The following ZNF395 variants were observed in gnomAD, a reference collection of about 807,000 sequenced individuals.
The protein encoded by ZNF395 is HD gene regulatory region-binding protein 2.
A neutral mutation model predicts 57.7 loss-of-function variants in ZNF395; 20 were observed. The ratio of observed to expected loss-of-function variants is 0.35; its 90% CI spans 0.24 to 0.50. ZNF395 has a LOEUF of 0.50. Among genes scored for constraint, ZNF395 ranks in the 20% least tolerant of loss-of-function variants. The pLI is 0.97. For synonymous variants in ZNF395, 295 were observed against 275.9 expected, an observed-to-expected ratio of 1.07 and a Z score of -0.69; for missense variants, 606 against 671.2, an observed-to-expected ratio of 0.90 and a Z score of 1.07.
At position 28,351,362 on chromosome 8, in the gene ZNF395, T is replaced by C. The variant is rs1801679906; in HGVS notation, c.1233+133A>G. On this transcript the variant is annotated intron_variant, in intron 7 of 9. Coordinates refer to ENST00000344423, the MANE Select transcript of ZNF395 (RefSeq NM_018660.3). ...GAGCAGTGAATTCGGTTTCCTTTTG[T>C]TTCCTTGTAGAAGAGATTAGCAATT... 3 of 979,240 alleles carry C rather than the reference T, an allele frequency of 3.1e-6. No individual in the cohort carries two copies. The African/African-American group carries it at 4.8e-5, about 16-fold the overall frequency. 60.7% of individuals were successfully genotyped at this position (979,240 alleles called of 1,614,324 possible). A position where few individuals can be genotyped will look rare whatever the true frequency, so the allele number is the denominator to read the frequency against.
chr8:28,346,430 G>T lies in ZNF395; in HGVS notation c.*2289C>A. On this transcript the variant is annotated 3_prime_UTR_variant, in exon 10 of 10. Coordinates refer to ENST00000344423, the MANE Select transcript of ZNF395 (RefSeq NM_018660.3). The stretch of plus-strand genomic sequence containing the variant: ...ACGGGATGGCAGCACGGGTGGAAGG[G>T]AGGCAAGGAGGCCGCCAGTGCCAAG... 6.6e-6 allele frequency: 1 copy of T among 152,626 alleles called. No individual in the cohort carries two copies. Among genetic ancestry groups the T allele is most frequent in the Non-Finnish European group, 1.5e-5 (1 of 68,332 alleles). 9.5% of individuals were successfully genotyped at this position (152,626 alleles called of 1,614,324 possible). A position where few individuals can be genotyped will look rare whatever the true frequency, so the allele number is the denominator to read the frequency against.
intron 1 of ZNF395, among the ~76,000 whole-genome samples, chr8:28,368,228 CA>C (rs1801935263): frequency 6.6e-6 from 1 of 152,124 alleles, no homozygotes; most frequent in African/African-American, 2.4e-5. Context: ...ACAAGCCTCA[CA>C]GAACTAGCAA....
chr8:28,346,553 AT>A lies in ZNF395; in HGVS notation c.*2165del, dbSNP rs1184715787. Reference sequence around the variant, plus strand: ...GGTTTCCACACTGCTCTCTCCCTTTATTCCTCTCTTTCCTGCCCTGTATACC... The same window carrying A: ...GGTTTCCACACTGCTCTCTCCCTTTATCCTCTCTTTCCTGCCCTGTATACC... On this transcript the variant is annotated 3_prime_UTR_variant, in exon 10 of 10. Transcript: ENST00000344423. 6.6e-6 allele frequency: 1 copy of A among 152,286 alleles called. No individual in the cohort carries two copies. Among genetic ancestry groups the A allele is most frequent in the East Asian group, 1.9e-4 (1 of 5,182 alleles). 9.4% of individuals were successfully genotyped at this position (152,286 alleles called of 1,614,324 possible).
In ZNF395 at chr8:28,356,678, T is replaced by C. The variant is rs1801784391; in HGVS notation, c.575A>G (p.Asn192Ser). 2 of 1,613,890 alleles carry C rather than the reference T, an allele frequency of 1.2e-6. No homozygotes were observed. The highest frequency in any genetic ancestry group is 8.5e-7 in the Non-Finnish European group (1 of 1,179,904). The change falls in exon 4 of 10, where the codon AAC (asparagine) becomes AGC (serine). Residue 192 changes from asparagine to serine, a missense_variant. Asn to Ser is a conservative substitution (Grantham distance 46). Around this residue, in one of 3 missense-constraint regions of ZNF395, gnomAD observed 309 missense variants for 374.7 expected, o/e 0.82. Coordinates refer to ENST00000344423, the MANE Select transcript of ZNF395 (RefSeq NM_018660.3). The surrounding 1 kb of genome is among the most constrained non-coding windows in gnomAD (Gnocchi z 4.0). ...VVQSPPGTEA[N>S]FSASRAACDP... ...GGGCCCCGCTTGCTCACCAGAGAAG[T>C]TGGCCTCGGTCCCGGGAGGACTCTG...
At chr8:28,361,236 A>G in intron 1 of ZNF395, 54 bp from the exon 2 acceptor site, 1 of 1,478,088 alleles carries the variant, frequency 6.8e-7, no homozygotes, top group Non-Finnish European at 9.2e-7. Flanking sequence ...GGAGCCAGGA[A>G]GGGTCTACTA....
intron 1 of ZNF395, chr8:28,385,067 G>A (rs1802155287): frequency 1.3e-5 from 2 of 152,258 alleles, no homozygotes; most frequent in Non-Finnish European, 2.9e-5. Context: ...TTAGATACCT[G>A]TGGATCACTC....
At chr8:28,360,612 T>C (rs903852821) in intron 2 of ZNF395, among the ~76,000 whole-genome samples, 5 of 152,246 alleles carry the variant, frequency 3.3e-5, no homozygotes, top group Admixed American at 2.6e-4. Flanking sequence ...TGGTCATCCT[T>C]CAAACTGAGG....
At chr8:28,376,436 G>A (rs1489285138) in intron 1 of ZNF395, among the ~76,000 whole-genome samples, 1 of 152,052 alleles carries the variant, frequency 6.6e-6, no homozygotes. Context: ...GGCCATCATG[G>A]TGAAACCCCA....
In ZNF395 at chr8:28,359,623, G is replaced by T; in HGVS notation, c.442C>A (p.Pro148Thr). The T allele has an allele frequency of 6.2e-7, 1 of 1,609,620 alleles. No homozygotes were observed. The highest frequency in any genetic ancestry group is 8.5e-7 in the Non-Finnish European group (1 of 1,177,094). ...GGGACATCGATGTTCCTGGAGACGG[G>T]CCTGTAGGCCAGGGCCTGGGCTCCG... ...EPGAQALAYR[P>T]VSRNIDVPKR... The change falls in exon 3 of 10, where the codon CCC becomes ACC. Residue 148 changes from proline (P) to threonine (T), a missense_variant. Transcript: ENST00000344423. The surrounding 1 kb of genome is among the most constrained non-coding windows in gnomAD (Gnocchi z 4.7).
intron 1 of ZNF395, among the ~76,000 whole-genome samples, chr8:28,379,404 T>C (rs1056341379): frequency 6.6e-6 from 1 of 152,152 alleles, no homozygotes; most frequent in African/African-American, 2.4e-5. Flanking sequence ...GTGGCCCATG[T>C]GCGTAGACCC....
In ZNF395 at chr8:28,360,869, G is replaced by C. The variant is rs543485729; in HGVS notation, c.240+16C>G. On this transcript the variant is annotated intron_variant, in intron 2 of 9. Transcript: ENST00000344423. The stretch of plus-strand genomic sequence containing the variant: ...CTGGCAAGACGGGACACCTGTCCAT[G>C]TTGGGATCAACCTACCTTCTGCCCA... The C allele has an allele frequency of 1.2e-6, 2 of 1,612,680 alleles. No homozygotes were observed. The highest frequency in any genetic ancestry group is 2.2e-5 in the South Asian group (2 of 90,944).
Position 28,360,204 on chromosome 8 carries a change from C to G in ZNF395, c.241-380G>C, listed in dbSNP as rs1210064794. Among the ~76,000 whole-genome samples, 4 of 152,252 alleles carry G rather than the reference C, an allele frequency of 2.6e-5. 1 individual carries two copies. The highest frequency in any genetic ancestry group is 5.9e-5 in the Non-Finnish European group (4 of 68,042). ...ATCCTGCACTCAAAGGATGCTGAGT[C>G]TACCTGGGGACAAGGTGGCAGGGGT... On this transcript the variant is annotated intron_variant, in intron 2 of 9. Transcript: ENST00000344423.
intron 7 of ZNF395, among the ~76,000 whole-genome samples, 184 bp from the exon 8 acceptor site, chr8:28,350,340 A>G (rs1331086610): frequency 3.3e-5 from 5 of 152,238 alleles, no homozygotes; most frequent in Non-Finnish European, 7.3e-5. Flanking sequence ...AATGCCTTGC[A>G]GTAGTCTCCT....
At chr8:28,385,567 C>T (rs1016343056) in intron 1 of ZNF395, among the ~76,000 whole-genome samples, 2 of 150,444 alleles carry the variant, frequency 1.3e-5, no homozygotes, top group African/African-American at 4.9e-5. Flanking sequence ...TCCCTCTGTC[C>T]CGCCCGTCCC....
Position 28,359,711 on chromosome 8 carries a change from C to G in ZNF395, c.354G>C (p.Arg118Ser). The change falls in exon 3 of 10, where the codon AGG becomes AGC. Residue 118 changes from arginine (R) to serine (S), a missense_variant. Around this residue, in one of 3 missense-constraint regions of ZNF395, gnomAD observed 309 missense variants for 374.7 expected, o/e 0.82. Coordinates refer to ENST00000344423, the MANE Select transcript of ZNF395 (RefSeq NM_018660.3). The surrounding 1 kb of genome is among the most constrained non-coding windows in gnomAD (Gnocchi z 4.7). Reference protein sequence around the residue: ...LLEQKLQVCCRVEEVWLAELQ... With the variant: ...LLEQKLQVCCSVEEVWLAELQ... ...GCTCTGCCAGCCACACCTCCTCCACCCTGCAGCAGACCTGCAGCTTCTGCT... is the reference window on the plus strand; with the variant it reads ...GCTCTGCCAGCCACACCTCCTCCACGCTGCAGCAGACCTGCAGCTTCTGCT... The G allele has an allele frequency of 6.2e-7, 1 of 1,614,094 alleles. No individual in the cohort carries two copies. Among genetic ancestry groups the G allele is most frequent in the Non-Finnish European group, 8.5e-7 (1 of 1,180,044 alleles).
chr8:28,365,267 CA>C (rs1801897545), intron 1 of ZNF395: 1 of 152,272 alleles, frequency 6.6e-6, no homozygotes, highest in South Asian at 2.1e-4. Context: ...ACAGGTGGGT[CA>C]AGGAGCAAGG....
chr8:28,373,036 A>C (rs952450977), intron 1 of ZNF395, among the ~76,000 whole-genome samples: 2 of 152,236 alleles, frequency 1.3e-5, no homozygotes, highest in African/African-American at 4.8e-5. Context: ...GGATGCTGGA[A>C]TACCCCAGTG....
At chr8:28,378,644 G>C (rs62502408) in intron 1 of ZNF395, among the ~76,000 whole-genome samples, 4,306 of 152,286 alleles carry the variant, frequency 0.028, 90 homozygotes, top group Non-Finnish European at 0.042. Context: ...CACACTTGAT[G>C]ATATTGACTC....
rs71549659 is a variant in ZNF395 at position 28,363,131 on chromosome 8, G to GTT, written c.-58-1951_-58-1950dup. 5.2e-4 allele frequency among the ~76,000 whole-genome samples: 76 copies of GTT among 144,896 alleles called. No homozygotes were observed. The East Asian group carries it at 6.0e-3, about 11-fold the overall frequency. On this transcript the variant is annotated intron_variant, in intron 1 of 9. Transcript: ENST00000344423. ...AATTGGTTGTTTTTTTTTTGTTTGG[G>GTT]TTTTTTTTTTTGTTTTTTAAGATGG...
Sources: gnomAD v4.1 joint callset for allele counts (sites outside exome capture counted in the v4.1 genomes callset) on GRCh38, gnomAD v4.1.1 for gene constraint, gnomAD v4.1.1 regional missense constraint, Gnocchi (gnomAD v3.1) non-coding constraint, MANE v1.5 for transcripts, NCBI Gene and HGNC (gene_info 2026-07-23, HGNC 2026-07-21) for gene names.